Variants in BICRAL observed in about 807,000 individuals in gnomAD.
The protein encoded by BICRAL is BRD4-interacting chromatin-remodeling complex-associated protein-like.
Under a neutral mutation model 91.8 loss-of-function variants are expected in BICRAL, and 8 were observed. That is an observed-to-expected ratio of 0.09 (90% CI 0.05 to 0.16). BICRAL has a LOEUF of 0.16. Ranked by LOEUF, BICRAL falls within the 10% of genes least tolerant of loss-of-function variation. The pLI is 1.00. For synonymous variants in BICRAL, 445 were observed against 491.1 expected (o/e 0.91, Z 1.24); for missense variants, 1,038 against 1,310.9 (o/e 0.79, Z 3.21).
intron 6 of BICRAL, among the ~76,000 whole-genome samples, chr6:42,839,301 A>T (rs185242738): frequency 2.2e-4 from 34 of 152,012 alleles, no homozygotes; most frequent in Admixed American, 2.0e-4. Context: ...TAGGATTTTT[A>T]AAATTATTAT....
chr6:42,760,556 A>T (rs1473082808), intron 1 of BICRAL, among the ~76,000 whole-genome samples: 1 of 148,114 alleles, frequency 6.8e-6, no homozygotes, highest in Non-Finnish European at 1.5e-5. Flanking sequence ...TGGTTTCAAC[A>T]TTATTATTAT....
chr6:42,757,217 G>A (rs1762475260), intron 1 of BICRAL, among the ~76,000 whole-genome samples: 1 of 151,844 alleles, frequency 6.6e-6, no homozygotes, highest in African/African-American at 2.4e-5. Flanking sequence ...TCTTTGTGCA[G>A]ATAATCTACC....
chr6:42,845,367 C>T (rs1351734549), intron 6 of BICRAL, among the ~76,000 whole-genome samples: 2 of 150,892 alleles, frequency 1.3e-5, no homozygotes, highest in African/African-American at 2.4e-5. Context: ...GGATTACAAG[C>T]GTGAGCCACA....
chr6:42,857,209 A>G lies in BICRAL; in HGVS notation c.2227A>G (p.Met743Val), dbSNP rs373666939. The change falls in exon 10 of 13, where the codon ATG becomes GTG. Residue 743 changes from methionine (M) to valine (V), a missense_variant. Met to Val is a conservative substitution (Grantham distance 21). Around this residue, in one of 5 missense-constraint regions of BICRAL, gnomAD observed 294 missense variants for 292.6 expected, o/e 1.00. Coordinates refer to ENST00000314073, the MANE Select transcript of BICRAL (RefSeq NM_001393499.1). ...CTCCTACCACGTGTGCCAGGGCTCCATGCCCACTGAAGAAGACTTGAGAAA... is the reference window on the plus strand; with the variant it reads ...CTCCTACCACGTGTGCCAGGGCTCCGTGCCCACTGAAGAAGACTTGAGAAA... ...LLSYHVCQGS[M>V]PTEEDLRKVD... The G allele has an allele frequency of 8.1e-6, 13 of 1,613,688 alleles. No homozygotes were observed. In the African/African-American group the frequency reaches 1.5e-4, roughly 18 times the overall value.
chr6:42,848,055 G>C (rs1448561158), intron 6 of BICRAL, among the ~76,000 whole-genome samples: 5 of 152,182 alleles, frequency 3.3e-5, no homozygotes, highest in African/African-American at 7.2e-5. Context: ...CGTGAACCCA[G>C]GAGGCGGAGC....
At chr6:42,842,856 A>ATT (rs35206768) in intron 6 of BICRAL, among the ~76,000 whole-genome samples, 481 of 142,464 alleles carry the variant, frequency 3.4e-3, no homozygotes, top group African/African-American at 0.01. Flanking sequence ...AGAACACAGT[A>ATT]TTTTTTTTTT....
intron 1 of BICRAL, among the ~76,000 whole-genome samples, chr6:42,754,988 G>C (rs1033850037): frequency 6.6e-6 from 1 of 152,236 alleles, no homozygotes; most frequent in Non-Finnish European, 1.5e-5. Context: ...AAAAGGAAAA[G>C]GGGAGTACAG....
intron 1 of BICRAL, among the ~76,000 whole-genome samples, chr6:42,761,818 A>G (rs978075713): frequency 1.3e-5 from 2 of 151,704 alleles, no homozygotes; most frequent in African/African-American, 4.8e-5. Context: ...GAAGGCTGAG[A>G]TCGGAGGATG....
intron 8 of BICRAL, among the ~76,000 whole-genome samples, 155 bp from the exon 9 acceptor site, chr6:42,855,701 T>G (rs1054185807): frequency 6.9e-6 from 1 of 144,122 alleles, no homozygotes; most frequent in Non-Finnish European, 1.5e-5. Flanking sequence ...TGTGTACTGG[T>G]TTTTTTTTTT....
chr6:42,856,518 G>A, intron 9 of BICRAL, among the ~76,000 whole-genome samples: 1 of 151,212 alleles, frequency 6.6e-6, no homozygotes. Flanking sequence ...GGGATTATAG[G>A]CACCCGCCAT....
At chr6:42,850,838 C>T (rs190687956) in intron 6 of BICRAL, among the ~76,000 whole-genome samples, 6 of 151,948 alleles carry the variant, frequency 3.9e-5, no homozygotes, top group Admixed American at 6.6e-5. Flanking sequence ...CACTGCACTC[C>T]AGCCTGGTGA....
intron 6 of BICRAL, among the ~76,000 whole-genome samples, chr6:42,836,619 C>CTTTTTTTTTTTTTTTTTTT (rs962446384): frequency 8.0e-6 from 1 of 125,358 alleles, no homozygotes; most frequent in Non-Finnish European, 1.7e-5. Context: ...TGTGTAGTTT[C>CTTTTTTTTTTTTTTTTTTT]TTTTTTTTTT....
intron 1 of BICRAL, among the ~76,000 whole-genome samples, chr6:42,752,377 A>G (rs1762394084): frequency 6.6e-6 from 1 of 152,238 alleles, no homozygotes; most frequent in Non-Finnish European, 1.5e-5. Context: ...GCCAAGGTGG[A>G]TAAAAACAGA....
intron 1 of BICRAL, among the ~76,000 whole-genome samples, chr6:42,762,415 T>A (rs967449770): frequency 1.3e-5 from 2 of 152,250 alleles, no homozygotes; most frequent in African/African-American, 4.8e-5. Flanking sequence ...GCATTTTTTT[T>A]ATGAAAGCTT....
At chr6:42,809,430 ATTTTTT>A (rs989054840) in intron 1 of BICRAL, among the ~76,000 whole-genome samples, 1 of 111,946 alleles carries the variant, frequency 8.9e-6, no homozygotes, top group African/African-American at 3.3e-5. Context: ...AACTATGAGA[ATTTTTT>A]TTTTTTTTTT....
chr6:42,788,956 G>A (rs1407166721), intron 1 of BICRAL, among the ~76,000 whole-genome samples: 1 of 152,140 alleles, frequency 6.6e-6, no homozygotes, highest in Non-Finnish European at 1.5e-5. Flanking sequence ...CAGGTGATCA[G>A]TTCACCCAAA....
intron 6 of BICRAL, among the ~76,000 whole-genome samples, chr6:42,846,341 C>G (rs1015306130): frequency 1.3e-5 from 2 of 151,876 alleles, no homozygotes; most frequent in African/African-American, 4.8e-5. Context: ...GCACTCCAGC[C>G]TCGGCGACAG....
intron 6 of BICRAL, among the ~76,000 whole-genome samples, chr6:42,842,229 G>C (rs1764819478): frequency 6.6e-6 from 1 of 152,212 alleles, no homozygotes. Flanking sequence ...AGCTCCCCAA[G>C]TGATTTTAAA....
At chr6:42,864,445 C>T (rs1166595882) in intron 12 of BICRAL, among the ~76,000 whole-genome samples, 2 of 152,204 alleles carry the variant, frequency 1.3e-5, no homozygotes, top group Non-Finnish European at 2.9e-5. Flanking sequence ...GGTTTAAGCT[C>T]CCCATCTTGA....
Sources: gnomAD v4.1 joint callset for allele counts (sites outside exome capture counted in the v4.1 genomes callset) on GRCh38, gnomAD v4.1.1 for gene constraint, gnomAD v4.1.1 regional missense constraint, MANE v1.5 for transcripts, NCBI Gene and HGNC (gene_info 2026-07-23, HGNC 2026-07-21) for gene names.